The following LMNB1 variants were observed in gnomAD, a reference collection of about 807,000 sequenced individuals.
LMNB1 encodes lamin-B1.
LMNB1 carries 23 observed loss-of-function variants against 67.1 expected under a neutral mutation model. The ratio of observed to expected loss-of-function variants is 0.34; its 90% confidence interval spans 0.25 to 0.49. The LOEUF is 0.49. LMNB1 is among the 20% of genes least tolerant of loss of function. The pLI is 0.99. For missense variants in LMNB1, 634 were observed against 746.5 expected, an observed-to-expected ratio of 0.85 and a Z score of 1.76; for synonymous variants, 281 against 282.9, an observed-to-expected ratio of 0.99 and a Z score of 0.07.
intron 7 of LMNB1, 39 bp from the exon 8 acceptor site, chr5:126,822,742 C>A: frequency 8.1e-7 from 1 of 1,238,400 alleles, no homozygotes; most frequent in Non-Finnish European, 1.2e-6. Context: ...CTTTCTTTAT[C>A]TTTGAAGTAA....
At chr5:126,776,972 C>G (rs972475668), upstream of LMNB1, 1 of 152,680 alleles carries the variant, frequency 6.5e-6, no homozygotes, top group South Asian at 2.1e-4. Context: ...GGCCCCCGAA[C>G]CGCCGAAGCG....
intron 6 of LMNB1, among the ~76,000 whole-genome samples, chr5:126,820,212 AT>A (rs1751828192): frequency 6.6e-6 from 1 of 152,200 alleles, no homozygotes; most frequent in South Asian, 2.1e-4. Context: ...AAGCCAGATA[AT>A]TTTAATATTA....
chr5:126,807,683 G>T (rs1751479862), intron 3 of LMNB1, among the ~76,000 whole-genome samples: 2 of 152,132 alleles, frequency 1.3e-5, no homozygotes, highest in Non-Finnish European at 2.9e-5. Context: ...ACTTATTTCT[G>T]ATGTTGTGTG....
intron 4 of LMNB1, 139 bp downstream of exon 4, chr5:126,810,489 G>A: frequency 1.5e-6 from 1 of 666,490 alleles, no homozygotes; most frequent in Non-Finnish European, 2.3e-6. Context: ...ATAGAAAATT[G>A]ATTTTTTCAA....
At position 126,810,265 on chromosome 5, in the gene LMNB1, C is replaced by T. The variant is rs1339262580; in HGVS notation, c.728C>T (p.Ala243Val). The T allele has an allele frequency of 4.3e-6, 7 of 1,613,738 alleles. No individual in the cohort carries two copies. The highest frequency in any genetic ancestry group is 5.1e-6 in the Non-Finnish European group (6 of 1,179,804). ...GRQIEYEYKL[A>V]QALHEMREQH... The stretch of plus-strand genomic sequence containing the variant: ...CAAATTGAGTATGAGTACAAGCTGG[C>T]GCAAGCCCTTCATGAGATGAGAGAG... The change falls in exon 4 of 11, where the codon GCG (alanine) becomes GTG (valine). Residue 243 changes from alanine (A) to valine (V), a missense_variant. Ala to Val is a moderately conservative substitution (Grantham distance 64). Transcript: ENST00000261366.
chr5:126,798,779 G>C (rs948134151), intron 1 of LMNB1, among the ~76,000 whole-genome samples: 4 of 151,874 alleles, frequency 2.6e-5, no homozygotes, highest in Non-Finnish European at 5.9e-5. Flanking sequence ...GTGTGTGTGT[G>C]TGTGTGCGTG....
intron 1 of LMNB1, among the ~76,000 whole-genome samples, chr5:126,798,134 A>C (rs1267710711): frequency 6.8e-6 from 1 of 148,094 alleles, no homozygotes; most frequent in East Asian, 2.0e-4. Flanking sequence ...AGACCGTCTC[A>C]AAACAAACAA....
At chr5:126,789,130 G>A (rs527638467) in intron 1 of LMNB1, among the ~76,000 whole-genome samples, 2 of 151,942 alleles carry the variant, frequency 1.3e-5, no homozygotes, top group African/African-American at 2.4e-5. Context: ...CAAGCAATCC[G>A]CCTGCCTCGG....
At chr5:126,819,372 A>C (rs930078195) in intron 6 of LMNB1, 6 of 360,504 alleles carry the variant, frequency 1.7e-5, no homozygotes, top group Middle Eastern at 7.6e-4. Flanking sequence ...GAACTGCATC[A>C]GGATGGATTA....
At chr5:126,822,328 A>G (rs1281296244) in intron 7 of LMNB1, among the ~76,000 whole-genome samples, 1 of 152,174 alleles carries the variant, frequency 6.6e-6, no homozygotes, top group Non-Finnish European at 1.5e-5. Context: ...GCTTTCATGT[A>G]TGAGAGCTGA....
chr5:126,791,470 T>C (rs1465790121), intron 1 of LMNB1, among the ~76,000 whole-genome samples: 1 of 152,032 alleles, frequency 6.6e-6, no homozygotes, highest in Non-Finnish European at 1.5e-5. Context: ...TTCTGTCTCT[T>C]TTTTTTAAAG....
chr5:126,799,632 T>C (rs534672950), intron 1 of LMNB1, among the ~76,000 whole-genome samples: 1 of 152,322 alleles, frequency 6.6e-6, no homozygotes, highest in Admixed American at 6.5e-5. Flanking sequence ...ACGCACTTAG[T>C]TGGGACCCTG....
intron 8 of LMNB1, among the ~76,000 whole-genome samples, chr5:126,825,219 G>T (rs1751968270): frequency 6.6e-6 from 1 of 152,244 alleles, no homozygotes; most frequent in East Asian, 1.9e-4. Context: ...TGACTGCCAG[G>T]TGTTCTTCAC....
intron 4 of LMNB1, among the ~76,000 whole-genome samples, chr5:126,810,718 G>A (rs1340493743): frequency 6.6e-6 from 1 of 152,204 alleles, no homozygotes; most frequent in African/African-American, 2.4e-5. Flanking sequence ...ATGAATGAAT[G>A]TCAGACTGCA....
chr5:126,809,387 C>T (rs896849280), intron 3 of LMNB1, among the ~76,000 whole-genome samples: 3 of 152,092 alleles, frequency 2.0e-5, no homozygotes, highest in African/African-American at 7.2e-5. Flanking sequence ...ATTATTATGT[C>T]TAAGAAAATG....
chr5:126,781,496 G>C (rs147002921), intron 1 of LMNB1, among the ~76,000 whole-genome samples: 1,940 of 150,136 alleles, frequency 0.013, 17 homozygotes, highest in Non-Finnish European at 0.02. Flanking sequence ...TTTTTTTTGA[G>C]ACGGAGCTTG....
chr5:126,821,592 C>G (rs1751869532), intron 7 of LMNB1, among the ~76,000 whole-genome samples: 1 of 152,194 alleles, frequency 6.6e-6, no homozygotes, highest in African/African-American at 2.4e-5. Flanking sequence ...AATGAATGAA[C>G]AAATGCTAAT....
chr5:126,827,847 A>G (rs1309029729), intron 9 of LMNB1, among the ~76,000 whole-genome samples: 2 of 152,224 alleles, frequency 1.3e-5, no homozygotes, highest in African/African-American at 4.8e-5. Context: ...TCAGCGGGTC[A>G]AATCACACCG....
At chr5:126,822,321 T>A (rs1751890041) in intron 7 of LMNB1, among the ~76,000 whole-genome samples, 2 of 152,186 alleles carry the variant, frequency 1.3e-5, no homozygotes, top group Non-Finnish European at 2.9e-5. Context: ...CCCTTATGCT[T>A]TCATGTATGA....
Sources: gnomAD v4.1 joint callset for allele counts (sites outside exome capture counted in the v4.1 genomes callset) on GRCh38, gnomAD v4.1.1 for gene constraint, MANE v1.5 for transcripts, NCBI Gene and HGNC (gene_info 2026-07-23, HGNC 2026-07-21) for gene names.